The following FAM228B variants were observed in gnomAD, a reference collection of about 807,000 sequenced individuals.
FAM228B encodes the protein protein FAM228B.
In FAM228B, 38 loss-of-function variants were observed where a neutral mutation model predicts 42.6. That is an observed-to-expected ratio of 0.89 (90% confidence interval 0.69 to 1.17). The LOEUF is 1.17. Ranked by LOEUF, FAM228B falls within the 50% of genes most tolerant of loss-of-function variation. The probability of loss-of-function intolerance (pLI) is 0.00; values close to 1 mark genes in which losing one functional copy is unlikely to be tolerated. For synonymous variants in FAM228B, 109 were observed against 122.3 expected, an observed-to-expected ratio of 0.89 and a Z score of 0.72; for missense variants, 344 against 367.3, an observed-to-expected ratio of 0.94 and a Z score of 0.52.
chr2:24,166,054 A>AAAAAATATATATAT (rs56146407), intron 9 of FAM228B: 13 of 81,046 alleles, frequency 1.6e-4, no homozygotes, highest in South Asian at 5.2e-4. Flanking sequence ...AAAAAAAAAA[A>AAAAAATATATATAT]ATATATATAT....
chr2:24,143,135 G>C (rs1666795698), intron 5 of FAM228B, among the ~76,000 whole-genome samples: 1 of 151,988 alleles, frequency 6.6e-6, no homozygotes, highest in Non-Finnish European at 1.5e-5. Context: ...ATCTAAAAAG[G>C]CTGTTAAAAT....
chr2:24,079,425 CT>C, intron 1 of FAM228B: 2 of 1,611,424 alleles, frequency 1.2e-6, no homozygotes, highest in Non-Finnish European at 1.7e-6. Context: ...CACATGTTTT[CT>C]TTTCATTCAT....
At chr2:24,132,464 G>GGTT (rs1553330887) in intron 2 of FAM228B, among the ~76,000 whole-genome samples, 3 of 55,984 alleles carry the variant, frequency 5.4e-5, no homozygotes, top group Non-Finnish European at 1.1e-4. Flanking sequence ...TCCTGGGATT[G>GGTT]TTTTTTTTTT....
intron 3 of FAM228B, among the ~76,000 whole-genome samples, chr2:24,106,219 G>A (rs930345459): frequency 5.9e-5 from 9 of 151,910 alleles, no homozygotes; most frequent in Middle Eastern, 3.4e-3. Flanking sequence ...GAGAGAAAGG[G>A]CAGGTTACCT....
chr2:24,168,124 A>G (rs1474994898), intron 10 of FAM228B: 1 of 183,602 alleles, frequency 5.4e-6, no homozygotes, highest in African/African-American at 2.3e-5. Flanking sequence ...TCCTATACCC[A>G]AGAGGAGATA....
At chr2:24,085,527 C>T (rs1665216326) in intron 2 of FAM228B, 1 of 152,250 alleles carries the variant, frequency 6.6e-6, no homozygotes. Context: ...CCATCCTTGA[C>T]ATCTGATCAC....
intron 2 of FAM228B, among the ~76,000 whole-genome samples, chr2:24,094,448 T>C (rs542919372): frequency 6.6e-6 from 1 of 152,308 alleles, no homozygotes; most frequent in Admixed American, 6.5e-5. Context: ...GGATTTCTTA[T>C]TTCTTTTAAT....
chr2:24,113,164 G>A (rs887110086), intron 3 of FAM228B, among the ~76,000 whole-genome samples: 2 of 152,166 alleles, frequency 1.3e-5, no homozygotes, highest in Admixed American at 1.3e-4. Context: ...AGCCGACTAT[G>A]TGCTAGGTAG....
chr2:24,138,277 G>A (rs905613106), intron 4 of FAM228B, among the ~76,000 whole-genome samples, 177 bp downstream of exon 4: 4 of 152,108 alleles, frequency 2.6e-5, no homozygotes, highest in African/African-American at 9.7e-5. Flanking sequence ...GGAGAGAAAA[G>A]GAAGATTAGA....
At chr2:24,159,405 C>T (rs1667237527) in intron 7 of FAM228B, among the ~76,000 whole-genome samples, 1 of 152,134 alleles carries the variant, frequency 6.6e-6, no homozygotes, top group Admixed American at 6.5e-5. Context: ...ATTAAGGACA[C>T]ACAAAGAAGG....
chr2:24,117,403 T>C (rs34740471), intron 3 of FAM228B, among the ~76,000 whole-genome samples: 18,069 of 152,000 alleles, frequency 0.12, 1,250 homozygotes, highest in South Asian at 0.18. Context: ...CCCTAGAATC[T>C]TTCATAATAC....
intron 3 of FAM228B, among the ~76,000 whole-genome samples, chr2:24,107,019 G>C (rs950119189): frequency 1.3e-5 from 2 of 152,156 alleles, no homozygotes; most frequent in Non-Finnish European, 2.9e-5. Context: ...ATAGTATGCT[G>C]TCTTCAAGAG....
intron 5 of FAM228B, among the ~76,000 whole-genome samples, chr2:24,143,213 C>T (rs888422053): frequency 6.6e-6 from 1 of 152,000 alleles, no homozygotes; most frequent in Non-Finnish European, 1.5e-5. Flanking sequence ...CAGAGTCTCG[C>T]TCTGTCACCC....
chr2:24,122,588 G>A, upstream of FAM228B: 1 of 1,206,694 alleles, frequency 8.3e-7, no homozygotes, highest in South Asian at 1.2e-5. Context: ...ACTCTGGCTA[G>A]CTTTTAAAAG....
intron 2 of FAM228B, among the ~76,000 whole-genome samples, chr2:24,129,416 T>G (rs1651499778): frequency 1.3e-5 from 2 of 152,162 alleles, no homozygotes; most frequent in Non-Finnish European, 2.9e-5. Flanking sequence ...TTCAAACAGT[T>G]GTTTCCTGCT....
In FAM228B at chr2:24,091,163, G is replaced by T. The variant is rs185251641; in HGVS notation, c.-209-3978G>T. Among the ~76,000 whole-genome samples, 15 of 152,340 alleles carry T rather than the reference G, an allele frequency of 9.8e-5. No individual in the cohort carries two copies. In the South Asian group the frequency reaches 2.1e-3, roughly 21 times the overall value. On this transcript the variant is annotated intron_variant, in intron 2 of 10. Coordinates refer to the FAM228B transcript ENST00000613899. ...TAGACTTAGAAAACGCAAGAGATGC[G>T]CTGGGTGCCATGGCTCACGCCTGTA...
chr2:24,165,498 A>G, intron 9 of FAM228B: 1 of 470,710 alleles, frequency 2.1e-6, no homozygotes, highest in Non-Finnish European at 4.4e-6. Context: ...GGAGCCCTCC[A>G]CGGTCAGCTG....
intron 4 of FAM228B, 78 bp downstream of exon 4, chr2:24,138,178 C>G (rs778497734): frequency 2.0e-5 from 22 of 1,119,826 alleles, no homozygotes; most frequent in Non-Finnish European, 2.6e-5. Flanking sequence ...ATCATTCAGT[C>G]AGTCTGTCCC....
chr2:24,163,479 C>T (rs1191560159), intron 8 of FAM228B, among the ~76,000 whole-genome samples: 1 of 152,102 alleles, frequency 6.6e-6, no homozygotes, highest in African/African-American at 2.4e-5. Context: ...CCAAACTAAG[C>T]CCTATTCCCT....
Sources: allele counts gnomAD v4.1 joint callset (sites outside exome capture counted in the v4.1 genomes callset), GRCh38; gene constraint gnomAD v4.1.1; transcripts MANE v1.5; gene names NCBI Gene and HGNC (gene_info 2026-07-23, HGNC 2026-07-21).